The following LRMDA variants were observed in gnomAD, a reference collection of about 807,000 sequenced individuals.
LRMDA encodes leucine rich melanocyte differentiation associated.
Under a neutral mutation model 29.8 loss-of-function variants are expected in LRMDA, and 18 were observed. That is an observed-to-expected ratio of 0.60 (90% CI 0.42 to 0.90). The LOEUF is 0.90. Among genes scored for constraint, LRMDA ranks in the 40% least tolerant of loss-of-function variants. The probability of loss-of-function intolerance (pLI) is 0.00; values close to 1 mark genes in which losing one functional copy is unlikely to be tolerated. For missense variants in LRMDA, 273 were observed against 273.9 expected (o/e 1.00, Z 0.02); for synonymous variants, 125 against 109.4 (o/e 1.14, Z -0.89).
chr10:76,433,191 A>G lies in LRMDA; in HGVS notation c.601+108706A>G, dbSNP rs186033782. The stretch of plus-strand genomic sequence containing the variant: ...GGGGCCTGTGTTCCTTCTCACAGGT[A>G]TCTGTGTTAATGGGCACCCCTGCCT... On this transcript the variant is annotated intron_variant, in intron 6 of 6. Coordinates refer to ENST00000611255, the MANE Select transcript of LRMDA (RefSeq NM_001305581.2). Among the ~76,000 whole-genome samples the G allele has an allele frequency of 1.2e-4, 18 of 152,134 alleles. No homozygotes were observed. The East Asian group carries it at 3.2e-3, about 27-fold the overall frequency.
At chr10:76,368,556 T>G (rs1205099761) in intron 6 of LRMDA, among the ~76,000 whole-genome samples, 4 of 152,198 alleles carry the variant, frequency 2.6e-5, no homozygotes, top group African/African-American at 9.6e-5. Context: ...CATGCATTGT[T>G]GAATAGAATG....
chr10:75,502,286 T>C (rs1845121594), intron 2 of LRMDA, among the ~76,000 whole-genome samples: 1 of 152,172 alleles, frequency 6.6e-6, no homozygotes, highest in Non-Finnish European at 1.5e-5. Flanking sequence ...AGCACAGGGG[T>C]GAGCCCTGTG....
chr10:75,599,722 T>C (rs759902779), intron 2 of LRMDA, among the ~76,000 whole-genome samples: 5 of 152,208 alleles, frequency 3.3e-5, no homozygotes, highest in Non-Finnish European at 7.3e-5. Context: ...TAGCCACATA[T>C]AGATATCGAG....
At chr10:75,578,214 G>GAAAAAAAAAAAAAAAA (rs1589191365) in intron 2 of LRMDA, among the ~76,000 whole-genome samples, 1 of 8,346 alleles carries the variant, frequency 1.2e-4, no homozygotes, top group Non-Finnish European at 2.7e-4. Flanking sequence ...CAAATGGAAA[G>GAAAAAAAAAAAAAAAA]CAAAAAAAAA....
intron 6 of LRMDA, among the ~76,000 whole-genome samples, chr10:76,515,496 A>C (rs2132355580): frequency 6.6e-6 from 1 of 152,190 alleles, no homozygotes; most frequent in East Asian, 1.9e-4. Context: ...AGACACTCTG[A>C]ATACACGTCT....
chr10:75,583,989 C>T (rs1046414098), intron 2 of LRMDA, among the ~76,000 whole-genome samples: 2 of 152,166 alleles, frequency 1.3e-5, no homozygotes, highest in African/African-American at 4.8e-5. Context: ...CCCAGCCCCC[C>T]CATAGGGACT....
intron 2 of LRMDA, among the ~76,000 whole-genome samples, chr10:75,461,786 G>A (rs1844588661): frequency 6.6e-6 from 1 of 152,196 alleles, no homozygotes; most frequent in African/African-American, 2.4e-5. Flanking sequence ...TTTCACTCAA[G>A]GCTGGCTCAC....
rs191499084 is a variant in LRMDA, at chr10:75,895,757, G to T, written c.132-140251G>T. ...AACAGCACGTGAAGGAAGGCAGAAG[G>T]CCTTTCTGAAATAAGCGGGTTTATG... On this transcript the variant is annotated intron_variant, in intron 2 of 6. Transcript: ENST00000611255. Among the ~76,000 whole-genome samples, 594 of 152,334 alleles carry T rather than the reference G, an allele frequency of 3.9e-3. 4 individuals carry two copies. Among genetic ancestry groups the T allele is most frequent in the African/African-American group, 0.011 (478 of 41,580 alleles).
chr10:75,644,717 C>G (rs940754141), intron 2 of LRMDA, among the ~76,000 whole-genome samples: 1 of 152,136 alleles, frequency 6.6e-6, no homozygotes, highest in African/African-American at 2.4e-5. Flanking sequence ...CACTGGCCCT[C>G]TTCTATCCAC....
intron 2 of LRMDA, among the ~76,000 whole-genome samples, chr10:75,573,421 T>C (rs1372732303): frequency 1.3e-5 from 2 of 152,196 alleles, no homozygotes. Flanking sequence ...CCTATTAGAA[T>C]GTGTGATGGA....
intron 2 of LRMDA, among the ~76,000 whole-genome samples, chr10:75,959,432 C>T (rs1394196393): frequency 6.6e-6 from 1 of 152,204 alleles, no homozygotes; most frequent in Non-Finnish European, 1.5e-5. Flanking sequence ...TGTGGTGACT[C>T]ATCCCCTTCA....
chr10:76,064,226 C>A (rs1338234790), intron 5 of LRMDA, among the ~76,000 whole-genome samples: 1 of 152,142 alleles, frequency 6.6e-6, no homozygotes, highest in Non-Finnish European at 1.5e-5. Flanking sequence ...AAGGATTTTC[C>A]TGGGATTATT....
At chr10:76,057,269 G>A (rs1467656553) in intron 4 of LRMDA, among the ~76,000 whole-genome samples, 1 of 152,188 alleles carries the variant, frequency 6.6e-6, no homozygotes, top group African/African-American at 2.4e-5. Flanking sequence ...TTCTCCATGT[G>A]AGTGTATAAT....
Position 76,076,725 on chromosome 10 carries a change from T to C in LRMDA, c.516+17942T>C, listed in dbSNP as rs553289631. Among the ~76,000 whole-genome samples, 276 of 152,246 alleles carry C rather than the reference T, an allele frequency of 1.8e-3. 1 individual carries two copies. Among genetic ancestry groups the C allele is most frequent in the Non-Finnish European group, 2.6e-3 (178 of 68,040 alleles). On this transcript the variant is annotated intron_variant, in intron 5 of 6. Transcript: ENST00000611255. ...GTATTTCAGGGCTCAGGAGATGACA[T>C]GATTCAGGAAAGGAGAGCTGGAGTC...
intron 6 of LRMDA, among the ~76,000 whole-genome samples, chr10:76,506,943 A>G (rs1220875018): frequency 1.3e-5 from 2 of 152,028 alleles, no homozygotes; most frequent in Non-Finnish European, 2.9e-5. Flanking sequence ...TACCTCTGCA[A>G]TATATTTATT....
chr10:76,134,017 C>G (rs1850047819), intron 5 of LRMDA, among the ~76,000 whole-genome samples: 1 of 152,182 alleles, frequency 6.6e-6, no homozygotes, highest in Non-Finnish European at 1.5e-5. Context: ...CTCACCTCCC[C>G]CACCCCCAAC....
chr10:76,479,488 T>C (rs554434299), intron 6 of LRMDA, among the ~76,000 whole-genome samples: 34 of 151,944 alleles, frequency 2.2e-4, no homozygotes, highest in Non-Finnish European at 3.8e-4. Flanking sequence ...CTATGAAGAA[T>C]GTAACCAATT....
rs77380666 is a variant in LRMDA at position 75,862,326 on chromosome 10, A to G, written c.132-173682A>G. Among the ~76,000 whole-genome samples the G allele has an allele frequency of 9.9e-4, 150 of 152,214 alleles. 1 individual carries two copies. The highest frequency in any genetic ancestry group is 3.5e-3 in the African/African-American group (144 of 41,528). On this transcript the variant is annotated intron_variant, in intron 2 of 6. Transcript: ENST00000611255. ...CAGGAAATACTTTTATTTACTTCCTAAATTTAGTTCAGACTCAAGATGGAG... is the reference window on the plus strand; with the variant it reads ...CAGGAAATACTTTTATTTACTTCCTGAATTTAGTTCAGACTCAAGATGGAG...
chr10:75,740,845 C>T (rs1309930565), intron 2 of LRMDA, among the ~76,000 whole-genome samples: 1 of 152,048 alleles, frequency 6.6e-6, no homozygotes, highest in Non-Finnish European at 1.5e-5. Context: ...CATTATGACA[C>T]TTTGAGAGGC....
Sources: gnomAD v4.1 joint callset for allele counts (sites outside exome capture counted in the v4.1 genomes callset) on GRCh38, gnomAD v4.1.1 for gene constraint, MANE v1.5 for transcripts, NCBI Gene and HGNC (gene_info 2026-07-23, HGNC 2026-07-21) for gene names.